The following ZFHX3 variants were observed in gnomAD, a reference collection of about 807,000 sequenced individuals.
The protein encoded by ZFHX3 is zinc finger homeobox protein 3.
A neutral mutation model predicts 279.1 loss-of-function variants in ZFHX3; 42 were observed. The ratio of observed to expected loss-of-function variants is 0.15; its 90% CI spans 0.12 to 0.19. The LOEUF is 0.19. ZFHX3 is among the 10% of genes least tolerant of loss of function. ZFHX3 has a pLI of 1.00. For missense variants in ZFHX3, 4,981 were observed against 4,754.0 expected (o/e 1.05, Z -1.40); for synonymous variants, 2,293 against 1,957.8 (o/e 1.17, Z -4.52).
At chr16:72,954,991 A>C (rs1045065283) in intron 2 of ZFHX3, among the ~76,000 whole-genome samples, 4 of 152,216 alleles carry the variant, frequency 2.6e-5, no homozygotes, top group Non-Finnish European at 4.4e-5. Context: ...GGGAAAAAAA[A>C]CCAGTACAGC....
At chr16:73,784,880 A>G (rs1276972916) in intron 1 of ZFHX3, among the ~76,000 whole-genome samples, 3 of 151,108 alleles carry the variant, frequency 2.0e-5, no homozygotes, top group African/African-American at 7.3e-5. Flanking sequence ...TCCTCTAATG[A>G]GGAATAGTGG....
chr16:73,171,803 G>A (rs185008286), intron 5 of ZFHX3, among the ~76,000 whole-genome samples: 2 of 152,164 alleles, frequency 1.3e-5, no homozygotes, highest in African/African-American at 2.4e-5. Context: ...TAACATACAC[G>A]TACCCGGTGT....
intron 1 of ZFHX3, among the ~76,000 whole-genome samples, chr16:73,788,167 G>A (rs532354191): frequency 1.3e-5 from 2 of 152,278 alleles, no homozygotes; most frequent in East Asian, 1.9e-4. Context: ...CTTCAGTAGA[G>A]AAAGACAACC....
intron 7 of ZFHX3, among the ~76,000 whole-genome samples, chr16:73,125,734 A>G (rs1317183700): frequency 6.6e-6 from 1 of 151,960 alleles, no homozygotes; most frequent in Non-Finnish European, 1.5e-5. Context: ...TAGATGGCCT[A>G]TTGTGGGAAG....
At chr16:73,564,007 A>G (rs189404116) in intron 2 of ZFHX3, among the ~76,000 whole-genome samples, 1 of 152,336 alleles carries the variant, frequency 6.6e-6, no homozygotes, top group East Asian at 1.9e-4. Context: ...TAATTCAAAA[A>G]TGGCTTCAAT....
intron 8 of ZFHX3, among the ~76,000 whole-genome samples, chr16:73,087,629 C>T (rs1966024173): frequency 6.6e-6 from 1 of 152,236 alleles, no homozygotes; most frequent in Non-Finnish European, 1.5e-5. Flanking sequence ...CCCTGGGACT[C>T]TAAGCAACTG....
intron 3 of ZFHX3, among the ~76,000 whole-genome samples, chr16:73,395,512 C>T (rs182140676): frequency 1.3e-5 from 2 of 151,888 alleles, no homozygotes; most frequent in East Asian, 3.9e-4. Context: ...CCAAGAGGGT[C>T]ACCCTGCACC....
At chr16:72,819,793 T>C (rs968483705) in intron 5 of ZFHX3, among the ~76,000 whole-genome samples, 1 of 152,218 alleles carries the variant, frequency 6.6e-6, no homozygotes, top group Admixed American at 6.5e-5. Context: ...CTGCTTACTC[T>C]AAAACAAATG....
intron 7 of ZFHX3, among the ~76,000 whole-genome samples, chr16:72,802,955 A>G (rs931201569): frequency 6.6e-6 from 1 of 152,148 alleles, no homozygotes; most frequent in Non-Finnish European, 1.5e-5. Flanking sequence ...TTGTTTTACA[A>G]TCATATCTGG....
At chr16:73,196,173 G>T (rs1414528384) in intron 5 of ZFHX3, among the ~76,000 whole-genome samples, 1 of 149,632 alleles carries the variant, frequency 6.7e-6, no homozygotes, top group Non-Finnish European at 1.5e-5. Flanking sequence ...TTTGGAGGGG[G>T]GATGGGTGGG....
intron 4 of ZFHX3, among the ~76,000 whole-genome samples, chr16:73,269,602 A>G (rs539949098): frequency 1.3e-5 from 2 of 152,156 alleles, no homozygotes; most frequent in Non-Finnish European, 2.9e-5. Context: ...GTTATTATTA[A>G]TAACCTTCCA....
upstream of ZFHX3, among the ~76,000 whole-genome samples, chr16:73,052,932 AG>A (rs1161622134): frequency 6.6e-6 from 1 of 152,134 alleles, no homozygotes; most frequent in Non-Finnish European, 1.5e-5. Context: ...GGGCCACGGA[AG>A]GGGGGAGAGG....
intron 1 of ZFHX3, among the ~76,000 whole-genome samples, chr16:73,054,337 G>A (rs944592249): frequency 3.9e-5 from 6 of 151,912 alleles, no homozygotes; most frequent in Non-Finnish European, 4.4e-5. Flanking sequence ...CCAGGCAGGC[G>A]AGCGCCACCA....
chr16:72,796,016 G>T lies in ZFHX3; in HGVS notation c.6666C>A (p.Leu2222=), dbSNP rs562698305. Residue 2222 remains leucine, a synonymous_variant, in exon 9 of 10, where the codon CTC becomes CTA. Coordinates refer to ENST00000268489, the MANE Select transcript of ZFHX3 (RefSeq NM_006885.4). ...SNPPITSLEE[L]KIDSRPPSPE... ...GCGAAGGGGGCCGGGAGTCAATCTT[G>T]AGCTCCTCCAGGCTGGTGATAGGAG... 2.5e-6 allele frequency: 4 copies of T among 1,614,150 alleles called. No homozygotes were observed. The East Asian group carries it at 6.7e-5, about 27-fold the overall frequency.
At chr16:73,071,025 C>T (rs1211676529) in intron 8 of ZFHX3, among the ~76,000 whole-genome samples, 1 of 140,294 alleles carries the variant, frequency 7.1e-6, no homozygotes, top group African/African-American at 2.7e-5. Flanking sequence ...AACCCTCCCC[C>T]CCGCCCCCCG....
At chr16:73,550,230 G>A (rs1025426705) in intron 2 of ZFHX3, among the ~76,000 whole-genome samples, 1 of 152,112 alleles carries the variant, frequency 6.6e-6, no homozygotes, top group Non-Finnish European at 1.5e-5. Context: ...AGGCAAACGG[G>A]TATTGGCGTC....
chr16:73,467,249 G>A (rs779511441), intron 2 of ZFHX3, among the ~76,000 whole-genome samples: 1 of 152,180 alleles, frequency 6.6e-6, no homozygotes, highest in African/African-American at 2.4e-5. Context: ...AGAGGAGAGA[G>A]AATGGAAGCA....
intron 2 of ZFHX3, among the ~76,000 whole-genome samples, chr16:72,953,461 C>T (rs1597008231): frequency 6.6e-6 from 1 of 152,170 alleles, no homozygotes; most frequent in Admixed American, 6.5e-5. Context: ...AGCATCAAAT[C>T]GTCTCCACTT....
In ZFHX3 at chr16:73,781,987, A is replaced by AAAAAT. The variant is rs558563870; in HGVS notation, c.-1607-101752_-1607-101748dup. 8.4e-3 allele frequency among the ~76,000 whole-genome samples: 1,283 copies of AAAAAT among 152,286 alleles called. 6 individuals carry two copies. Among genetic ancestry groups the AAAAAT allele is most frequent in the South Asian group, 0.02 (95 of 4,820 alleles). On this transcript the variant is annotated intron_variant, in intron 1 of 17. Coordinates refer to the ZFHX3 transcript ENST00000641206. ...GGGCGAAAGAGCGAGACTCCATCTC[A>AAAAAT]AAAATAAAATAAAATAAAATAAACA... is the stretch of plus-strand genomic sequence containing the variant.
Sources: allele counts gnomAD v4.1 joint callset (sites outside exome capture counted in the v4.1 genomes callset), GRCh38; gene constraint gnomAD v4.1.1; transcripts MANE v1.5; gene names NCBI Gene and HGNC (gene_info 2026-07-23, HGNC 2026-07-21).